The following AGTR1 variants were observed in gnomAD, a reference collection of about 807,000 sequenced individuals.
The protein encoded by AGTR1 is type-1 angiotensin II receptor.
A neutral mutation model predicts 19.4 loss-of-function variants in AGTR1; 16 were observed. That is an observed-to-expected ratio of 0.82 (90% confidence interval 0.56 to 1.25). The LOEUF is 1.25. Among genes scored for constraint, AGTR1 ranks in the 50% most tolerant of loss-of-function variants. The pLI is 0.00. For synonymous variants in AGTR1, 153 were observed against 154.9 expected (o/e 0.99, Z 0.09); for missense variants, 373 against 431.9 (o/e 0.86, Z 1.21).
intron 2 of AGTR1, among the ~76,000 whole-genome samples, chr3:148,721,397 T>C (rs1713627284): frequency 6.6e-6 from 1 of 152,196 alleles, no homozygotes; most frequent in African/African-American, 2.4e-5. Flanking sequence ...GCATGTAAGA[T>C]GTAGGAGCAA....
chr3:148,738,182 C>T (rs1714675628), intron 2 of AGTR1, among the ~76,000 whole-genome samples: 1 of 151,978 alleles, frequency 6.6e-6, no homozygotes, highest in Non-Finnish European at 1.5e-5. Flanking sequence ...AGAAAATTTC[C>T]TCCCTGTTCT....
At chr3:148,740,032 T>C in intron 2 of AGTR1, 1 of 1,176,608 alleles carries the variant, frequency 8.5e-7, no homozygotes, top group Non-Finnish European at 1.1e-6. Flanking sequence ...GCAGAATGTG[T>C]TGATTTTCTA....
Position 148,699,430 on chromosome 3 carries a change from GC to G in AGTR1, c.-132+1307del, listed in dbSNP as rs1221813007. ...CTCCGGTGTTTCCCTAGCTATAAAG[GC>G]CCCACCTGCATAACCTGTCCTCAGG... On this transcript the variant is annotated intron_variant, in intron 1 of 2. Transcript: ENST00000349243. 9.2e-5 allele frequency among the ~76,000 whole-genome samples: 14 copies of G among 152,062 alleles called. 1 individual carries two copies. The highest frequency in any genetic ancestry group is 2.1e-4 in the Non-Finnish European group (14 of 68,024).
At chr3:148,733,333 G>T (rs1714395303) in intron 2 of AGTR1, among the ~76,000 whole-genome samples, 1 of 152,104 alleles carries the variant, frequency 6.6e-6, no homozygotes, top group East Asian at 1.9e-4. Flanking sequence ...AAAATGAATT[G>T]CCATGTGGCC....
At chr3:148,739,729 C>T in intron 2 of AGTR1, 1 of 1,208,618 alleles carries the variant, frequency 8.3e-7, no homozygotes, top group Non-Finnish European at 1.0e-6. Context: ...GTGTTCAGCT[C>T]TCCTGAATGC....
chr3:148,712,633 G>C (rs562563495), intron 2 of AGTR1, among the ~76,000 whole-genome samples: 8 of 152,320 alleles, frequency 5.3e-5, no homozygotes, highest in African/African-American at 1.7e-4. Flanking sequence ...TCAGTGAACA[G>C]AGTGGGAAGA....
At chr3:148,722,751 G>T (rs955595771) in intron 2 of AGTR1, among the ~76,000 whole-genome samples, 2 of 152,124 alleles carry the variant, frequency 1.3e-5, no homozygotes, top group South Asian at 2.1e-4. Context: ...ACCATTTTCC[G>T]TCTCTGTTTT....
intron 2 of AGTR1, among the ~76,000 whole-genome samples, chr3:148,718,721 T>A (rs938729154): frequency 6.6e-6 from 1 of 152,186 alleles, no homozygotes; most frequent in Non-Finnish European, 1.5e-5. Flanking sequence ...AAAGCCCTCA[T>A]AAAAGTAGTA....
intron 2 of AGTR1, among the ~76,000 whole-genome samples, chr3:148,727,987 C>T (rs892274741): frequency 6.6e-6 from 1 of 152,096 alleles, no homozygotes; most frequent in Non-Finnish European, 1.5e-5. Context: ...ACTTGTCTGC[C>T]TGCTAGATGC....
At chr3:148,699,096 C>G (rs1712166118) in intron 1 of AGTR1, among the ~76,000 whole-genome samples, 1 of 152,226 alleles carries the variant, frequency 6.6e-6, no homozygotes, top group South Asian at 2.1e-4. Context: ...TCCCCCCCTT[C>G]AGGAGCCCTC....
In AGTR1 at chr3:148,741,334, T is replaced by C. The variant is rs1320545424; in HGVS notation, c.299T>C (p.Leu100Pro). Reference protein sequence around the residue: ...MEYRWPFGNYLCKIASASVSF... With the variant: ...MEYRWPFGNYPCKIASASVSF... ...TACCGCTGGCCCTTTGGCAATTACC[T>C]ATGTAAGATTGCTTCAGCCAGCGTC... The change falls in exon 3 of 3, where the codon CTA becomes CCA. Residue 100 changes from leucine to proline, a missense_variant. Transcript: ENST00000349243. 1.2e-6 allele frequency: 2 copies of C among 1,608,422 alleles called. No individual in the cohort carries two copies. The highest frequency in any genetic ancestry group is 1.1e-5 in the South Asian group (1 of 91,078).
In AGTR1 at chr3:148,741,145, T is replaced by C. The variant is rs1451621681; in HGVS notation, c.110T>C (p.Ile37Thr). ...IFVMIPTLYS[I>T]IFVVGIFGNS... The stretch of plus-strand genomic sequence containing the variant: ...GTCATGATTCCTACTTTATACAGTA[T>C]CATCTTTGTGGTGGGAATATTTGGA... Residue 37 changes from isoleucine (I) to threonine (T), a missense_variant, in exon 3 of 3, where the codon ATC becomes ACC. By Grantham distance (89) the Ile-to-Thr change is moderately conservative. Coordinates refer to ENST00000349243, the MANE Select transcript of AGTR1 (RefSeq NM_000685.5). 1.9e-6 allele frequency: 3 copies of C among 1,614,068 alleles called. No homozygotes were observed. The highest frequency in any genetic ancestry group is 1.1e-5 in the South Asian group (1 of 91,086).
At chr3:148,730,105 G>T in intron 2 of AGTR1, 1 of 396,440 alleles carries the variant, frequency 2.5e-6, no homozygotes, top group Non-Finnish European at 4.4e-6. Context: ...ACAATGTTTT[G>T]CACCAAACTG....
At chr3:148,715,058 C>A (rs868464153) in intron 2 of AGTR1, among the ~76,000 whole-genome samples, 1 of 152,024 alleles carries the variant, frequency 6.6e-6, no homozygotes, top group Non-Finnish European at 1.5e-5. Flanking sequence ...TAAGAAAATT[C>A]TAAATAAAAT....
chr3:148,715,945 T>C (rs565499395), intron 2 of AGTR1, among the ~76,000 whole-genome samples: 27 of 152,310 alleles, frequency 1.8e-4, no homozygotes, highest in African/African-American at 6.0e-4. Context: ...TGGATAACTT[T>C]CAAACAACTA....
chr3:148,711,590 T>C (rs1712985968), intron 2 of AGTR1, among the ~76,000 whole-genome samples: 1 of 152,180 alleles, frequency 6.6e-6, no homozygotes, highest in African/African-American at 2.4e-5. Context: ...TGAAGCTTGC[T>C]TTAGGAAACA....
intron 2 of AGTR1, among the ~76,000 whole-genome samples, chr3:148,729,886 T>C (rs1243429251): frequency 6.6e-6 from 1 of 152,178 alleles, no homozygotes; most frequent in African/African-American, 2.4e-5. Flanking sequence ...TCTCTGAGTC[T>C]TTCCACCCCT....
intron 2 of AGTR1, among the ~76,000 whole-genome samples, chr3:148,725,667 G>T (rs1713890911): frequency 1.3e-5 from 2 of 152,066 alleles, no homozygotes; most frequent in South Asian, 4.1e-4. Flanking sequence ...ATTTTTATTA[G>T]AGACGGGGTT....
At chr3:148,708,681 A>G (rs1349383783) in intron 2 of AGTR1, among the ~76,000 whole-genome samples, 2 of 152,128 alleles carry the variant, frequency 1.3e-5, no homozygotes, top group African/African-American at 4.8e-5. Context: ...GTTAGCCAGG[A>G]CTGTTTTGTC....
Sources: gnomAD v4.1 joint callset for allele counts (sites outside exome capture counted in the v4.1 genomes callset) on GRCh38, gnomAD v4.1.1 for gene constraint, MANE v1.5 for transcripts, NCBI Gene and HGNC (gene_info 2026-07-23, HGNC 2026-07-21) for gene names.